Variants in MAGEB10 observed in about 807,000 individuals in gnomAD.
The protein encoded by MAGEB10 is MAGE family member B10.
For synonymous variants in MAGEB10, 99 were observed against 101.0 expected, an observed-to-expected ratio of 0.98 and a Z score of 0.12; for missense variants, 190 against 261.9, an observed-to-expected ratio of 0.73 and a Z score of 1.89.
intron 1 of MAGEB10, chrX:27,812,523 G>A: frequency 6.1e-6 from 1 of 163,449 alleles, no homozygotes; most frequent in African/African-American, 3.0e-5. Flanking sequence ...CTTCAGCCAG[G>A]GGAATTGTGC....
chrX:27,820,417 C>T (rs1366593612), intron 2 of MAGEB10, among the ~76,000 whole-genome samples: 2 of 111,152 alleles, frequency 1.8e-5, no homozygotes, highest in Non-Finnish European at 3.8e-5. Flanking sequence ...ATGAAGCACC[C>T]TCTGAATTCT....
chrX:27,822,375 T>C lies in MAGEB10; in HGVS notation c.*25T>C, dbSNP rs768325652. The C allele has an allele frequency of 5.0e-5, 59 of 1,170,995 alleles. No individual in the cohort carries two copies. The highest frequency in any genetic ancestry group is 6.3e-5 in the Non-Finnish European group (55 of 872,430). On this transcript the variant is annotated 3_prime_UTR_variant, in exon 3 of 3. Transcript: ENST00000356790. Reference sequence around the variant, plus strand: ...AAGTCTGAGGGAGATTCTTCATTTGTGTTTGAAAAGAAATGCACATTCTGA... The same window carrying C: ...AAGTCTGAGGGAGATTCTTCATTTGCGTTTGAAAAGAAATGCACATTCTGA...
chrX:27,819,070 A>T (rs1923835896), intron 2 of MAGEB10, among the ~76,000 whole-genome samples: 1 of 110,964 alleles, frequency 9.0e-6, no homozygotes, highest in South Asian at 3.9e-4. Flanking sequence ...CCCTGCTGTT[A>T]ACATTTCTAA....
intron 1 of MAGEB10, among the ~76,000 whole-genome samples, chrX:27,809,391 C>T (rs1479589510): frequency 5.4e-5 from 3 of 55,856 alleles, no homozygotes; most frequent in Non-Finnish European, 9.7e-5. Context: ...CCCCCAACCC[C>T]GCCAGCCCCC....
intron 1 of MAGEB10, chrX:27,812,939 G>T (rs1274235077): frequency 5.8e-6 from 1 of 171,445 alleles, no homozygotes; most frequent in Non-Finnish European, 1.1e-5. Context: ...TGAGGAAAAT[G>T]CTTTACTGTG....
intron 2 of MAGEB10, among the ~76,000 whole-genome samples, chrX:27,820,907 G>T (rs1923872197): frequency 9.0e-6 from 1 of 110,846 alleles, no homozygotes; most frequent in Non-Finnish European, 1.9e-5. Flanking sequence ...CTGAAATGAG[G>T]GGTCAGTAGA....
intron 1 of MAGEB10, among the ~76,000 whole-genome samples, chrX:27,811,665 C>T (rs1309803122): frequency 8.9e-6 from 1 of 112,343 alleles, no homozygotes; most frequent in African/African-American, 3.2e-5. Context: ...AGCAAAGGTA[C>T]AGTCTAGTTA....
intron 1 of MAGEB10, chrX:27,812,637 G>A (rs1454449609): frequency 1.8e-5 from 5 of 278,316 alleles, no homozygotes; most frequent in Non-Finnish European, 3.6e-5. Context: ...CAAAGATTTA[G>A]TGCAAGAGCA....
At chrX:27,815,908 A>G (rs1240621227) in intron 1 of MAGEB10, among the ~76,000 whole-genome samples, 1 of 111,544 alleles carries the variant, frequency 9.0e-6, no homozygotes, top group Non-Finnish European at 1.9e-5. Context: ...GAAGAATCCC[A>G]TTTCAGGCTT....
chrX:27,821,344 A>G lies in MAGEB10; in HGVS notation c.38A>G (p.Glu13Gly), dbSNP rs1569213105. ...RGQKSKLRAREKRRQARGGLE... is the reference protein window; with the variant it reads ...RGQKSKLRARGKRRQARGGLE... ...CAGAAGAGTAAACTCCGTGCCAGGGAAAAACGCCGTCAGGCCCGAGGAGGG... is the reference window on the plus strand; with the variant it reads ...CAGAAGAGTAAACTCCGTGCCAGGGGAAAACGCCGTCAGGCCCGAGGAGGG... Residue 13 changes from glutamate (E) to glycine (G), a missense_variant, in exon 3 of 3, where the codon GAA becomes GGA. Coordinates refer to ENST00000356790, the MANE Select transcript of MAGEB10 (RefSeq NM_182506.3). The G allele has an allele frequency of 8.3e-7, 1 of 1,211,198 alleles. No individual in the cohort carries two copies. Among genetic ancestry groups the G allele is most frequent in the Non-Finnish European group, 1.1e-6 (1 of 895,010 alleles).
chrX:27,812,921 G>A (rs186828308), intron 1 of MAGEB10: 9 of 186,969 alleles, frequency 4.8e-5, no homozygotes, highest in South Asian at 4.7e-4. Context: ...CCTGCTCCAA[G>A]TGAAGGCTGA....
In MAGEB10 at chrX:27,821,553, C is replaced by G. The variant is rs1923889141; in HGVS notation, c.247C>G (p.Pro83Ala). ...SATAASHTRH[P>A]EGVNDQMEER... Reference sequence around the variant, plus strand: ...TACAGCTGCTTCACACACAAGACATCCCGAAGGAGTCAACGACCAAATGGA... The same window carrying G: ...TACAGCTGCTTCACACACAAGACATGCCGAAGGAGTCAACGACCAAATGGA... Residue 83 changes from proline to alanine, a missense_variant, in exon 3 of 3, where the codon CCC (proline) becomes GCC (alanine). Coordinates refer to ENST00000356790, the MANE Select transcript of MAGEB10 (RefSeq NM_182506.3). 1 of 1,208,296 alleles carries G rather than the reference C, an allele frequency of 8.3e-7. No individual in the cohort carries two copies. The highest frequency in any genetic ancestry group is 2.2e-5 in the Admixed American group (1 of 45,515).
chrX:27,822,392 A>G lies in MAGEB10; in HGVS notation c.*42A>G. 8.8e-7 allele frequency: 1 copy of G among 1,135,484 alleles called. No homozygotes were observed. The highest frequency in any genetic ancestry group is 1.8e-5 in the African/African-American group (1 of 56,008). 93.6% of individuals were successfully genotyped at this position (1,135,484 alleles called of 1,213,427 possible). A position where few individuals can be genotyped will look rare whatever the true frequency, so the allele number is the denominator to read the frequency against. On this transcript the variant is annotated 3_prime_UTR_variant, in exon 3 of 3. Transcript: ENST00000356790. ...TTCATTTGTGTTTGAAAAGAAATGCACATTCTGAGCTGTGGGAGGTCAGGG... is the reference window on the plus strand; with the variant it reads ...TTCATTTGTGTTTGAAAAGAAATGCGCATTCTGAGCTGTGGGAGGTCAGGG...
At chrX:27,811,643 C>G (rs764696004) in intron 1 of MAGEB10, among the ~76,000 whole-genome samples, 1 of 112,303 alleles carries the variant, frequency 8.9e-6, no homozygotes, top group Non-Finnish European at 1.9e-5. Context: ...GCAGGTAATA[C>G]TGGCAGGCTT....
At position 27,822,083 on chromosome X, in the gene MAGEB10, G is replaced by A; in HGVS notation, c.777G>A (p.Glu259=). The change falls in exon 3 of 3, where the codon GAG becomes GAA. Residue 259 remains glutamate, a synonymous_variant. Coordinates refer to ENST00000356790, the MANE Select transcript of MAGEB10 (RefSeq NM_182506.3). ...ATTTGGTGAAAGAAAATTACCTGGA[G>A]TACCAGCAAGTGCCCAACAGTGATC... ...TKDLVKENYL[E]YQQVPNSDPP... 2 of 1,212,083 alleles carry A rather than the reference G, an allele frequency of 1.7e-6. No individual in the cohort carries two copies. The highest frequency in any genetic ancestry group is 2.2e-6 in the Non-Finnish European group (2 of 895,629).
At chrX:27,814,262 G>T (rs1204767724) in intron 1 of MAGEB10, among the ~76,000 whole-genome samples, 1 of 110,974 alleles carries the variant, frequency 9.0e-6, no homozygotes, top group Non-Finnish European at 1.9e-5. Context: ...TTTTTATTAG[G>T]TTGTCTTTAG....
Position 27,821,336 on chromosome X carries a change from T to C in MAGEB10, c.30T>C (p.Arg10=), listed in dbSNP as rs561698745. The C allele has an allele frequency of 3.3e-6, 4 of 1,209,471 alleles. No individual in the cohort carries two copies. In the South Asian group the frequency reaches 7.0e-5, roughly 21 times the overall value. Residue 10 remains arginine, a synonymous_variant, in exon 3 of 3, where the codon CGT becomes CGC. Transcript: ENST00000356790. MPRGQKSKL[R]AREKRRQARG... ...CTCGAGGTCAGAAGAGTAAACTCCGTGCCAGGGAAAAACGCCGTCAGGCCC... is the reference window on the plus strand; with the variant it reads ...CTCGAGGTCAGAAGAGTAAACTCCGCGCCAGGGAAAAACGCCGTCAGGCCC...
intron 1 of MAGEB10, among the ~76,000 whole-genome samples, chrX:27,815,079 C>G (rs755023250): frequency 4.5e-5 from 5 of 111,797 alleles, no homozygotes; most frequent in South Asian, 3.8e-4. Context: ...GGTGCTGGCA[C>G]CTGGGACCAG....
intron 1 of MAGEB10, among the ~76,000 whole-genome samples, chrX:27,809,374 TCCCACCCCCCCAAC>T: frequency 2.1e-5 from 1 of 48,522 alleles, no homozygotes; most frequent in African/African-American, 8.6e-5. Flanking sequence ...CCTGAGCCTC[TCCCACCCCCCCAAC>T]CCCGCCAGCC....
Sources: allele counts gnomAD v4.1 joint callset (sites outside exome capture counted in the v4.1 genomes callset), GRCh38; gene constraint gnomAD v4.1.1; transcripts MANE v1.5; gene names NCBI Gene and HGNC (gene_info 2026-07-23, HGNC 2026-07-21).